The following SLC29A3 variants were observed in gnomAD, a reference collection of about 807,000 sequenced individuals.
The protein encoded by SLC29A3 is solute carrier family 29 member 3, also known as equilibrative nucleoside transporter 3.
A neutral mutation model predicts 25.4 loss-of-function variants in SLC29A3; 18 were observed. That is an observed-to-expected ratio of 0.71 (90% CI 0.49 to 1.05). SLC29A3 has a LOEUF of 1.05. Among genes scored for constraint, SLC29A3 ranks in the 50% least tolerant of loss-of-function variants. SLC29A3 has a pLI of 0.00. For synonymous variants in SLC29A3, 258 were observed against 267.1 expected, an observed-to-expected ratio of 0.97 and a Z score of 0.33; for missense variants, 586 against 609.0, an observed-to-expected ratio of 0.96 and a Z score of 0.40.
At chr10:71,357,732 C>T (rs1341487650) in intron 5 of SLC29A3, among the ~76,000 whole-genome samples, 2 of 152,320 alleles carry the variant, frequency 1.3e-5, no homozygotes, top group East Asian at 1.9e-4. Flanking sequence ...TCCAGTTCCT[C>T]CTTTTGCTTT....
At position 71,331,324 on chromosome 10, in the gene SLC29A3, G is replaced by A. The variant is rs577535664; in HGVS notation, c.300+8270G>A. Among the ~76,000 whole-genome samples, 8 of 152,294 alleles carry A rather than the reference G, an allele frequency of 5.3e-5. 1 individual carries two copies. In the South Asian group the frequency reaches 1.5e-3, roughly 28 times the overall value. ...GATGGGGGGAGAGACAGAGGAGACA[G>A]CAAACTCAAGGAATTTTGCTTTAAA... On this transcript the variant is annotated intron_variant, in intron 2 of 5. Transcript: ENST00000373189.
intron 3 of SLC29A3, among the ~76,000 whole-genome samples, chr10:71,368,416 G>A (rs1394934887): frequency 6.6e-6 from 1 of 152,192 alleles, no homozygotes; most frequent in Non-Finnish European, 1.5e-5. Context: ...ATGGCAGGCT[G>A]TACCCTGTAC....
chr10:71,367,733 C>T (rs1847181224), downstream of SLC29A3, among the ~76,000 whole-genome samples: 5 of 152,196 alleles, frequency 3.3e-5, no homozygotes, highest in Admixed American at 3.3e-4. Context: ...GCCAGCTGAC[C>T]CATTGGCCCT....
At chr10:71,358,056 C>A (rs901540570) in intron 5 of SLC29A3, among the ~76,000 whole-genome samples, 1 of 152,134 alleles carries the variant, frequency 6.6e-6, no homozygotes, top group Admixed American at 6.6e-5. Flanking sequence ...CAGCTGTGAT[C>A]GTATTTTCTC....
intron 1 of SLC29A3, among the ~76,000 whole-genome samples, chr10:71,320,685 T>A (rs1845828640): frequency 6.6e-6 from 1 of 152,190 alleles, no homozygotes; most frequent in African/African-American, 2.4e-5. Flanking sequence ...GCTGGATGCA[T>A]TGCACTTGGG....
chr10:71,324,070 A>G (rs1354408304), intron 2 of SLC29A3, among the ~76,000 whole-genome samples: 2 of 152,194 alleles, frequency 1.3e-5, no homozygotes, highest in Admixed American at 6.5e-5. Flanking sequence ...TTAAAACAGT[A>G]AGGAAAGCTT....
intron 2 of SLC29A3, among the ~76,000 whole-genome samples, chr10:71,341,305 T>C (rs1451701273): frequency 2.6e-5 from 4 of 152,290 alleles, no homozygotes; most frequent in South Asian, 2.1e-4. Context: ...CAAGGTGAGT[T>C]ACCTGAGGGG....
chr10:71,320,637 G>A (rs1845827628), intron 1 of SLC29A3, among the ~76,000 whole-genome samples: 2 of 152,196 alleles, frequency 1.3e-5, no homozygotes, highest in Admixed American at 1.3e-4. Context: ...GCTGGGGAGG[G>A]GCTCTGCTAA....
At chr10:71,335,030 A>G (rs1009512755) in intron 2 of SLC29A3, among the ~76,000 whole-genome samples, 1 of 149,794 alleles carries the variant, frequency 6.7e-6, no homozygotes, top group African/African-American at 2.5e-5. Context: ...GAGCACATAC[A>G]AGCTGCTTGG....
intron 5 of SLC29A3, among the ~76,000 whole-genome samples, 166 bp from the exon 6 acceptor site, chr10:71,361,788 C>T (rs953259914): frequency 1.3e-5 from 2 of 152,168 alleles, no homozygotes; most frequent in Non-Finnish European, 2.9e-5. Context: ...CCCCTGGCCA[C>T]CCCGTGACAG....
chr10:71,329,273 C>G (rs1236720541), intron 2 of SLC29A3, among the ~76,000 whole-genome samples: 1 of 152,114 alleles, frequency 6.6e-6, no homozygotes, highest in African/African-American at 2.4e-5. Flanking sequence ...GCACGCTCAG[C>G]CCTGGCTGCA....
chr10:71,367,504 C>T (rs1452149465), downstream of SLC29A3, among the ~76,000 whole-genome samples: 1 of 152,166 alleles, frequency 6.6e-6, no homozygotes, highest in Admixed American at 6.5e-5. Context: ...ACACCCACTC[C>T]CCAGCCCACA....
At chr10:71,321,723 A>C (rs1845849646) in intron 1 of SLC29A3, among the ~76,000 whole-genome samples, 1 of 152,264 alleles carries the variant, frequency 6.6e-6, no homozygotes, top group South Asian at 2.1e-4. Flanking sequence ...AGGCACAGAA[A>C]TGTGGTAACT....
intron 5 of SLC29A3, among the ~76,000 whole-genome samples, chr10:71,361,106 A>G (rs949608443): frequency 5.9e-5 from 9 of 152,172 alleles, no homozygotes; most frequent in Non-Finnish European, 1.2e-4. Flanking sequence ...TGTGCATGGA[A>G]CAGTATGTAC....
chr10:71,369,993 A>G (rs190862637), intron 3 of SLC29A3, among the ~76,000 whole-genome samples: 51 of 152,274 alleles, frequency 3.3e-4, no homozygotes, highest in Non-Finnish European at 1.5e-4. Flanking sequence ...GGAGGGGGAG[A>G]AGCAGAGTCA....
intron 3 of SLC29A3, among the ~76,000 whole-genome samples, chr10:71,371,347 C>T (rs1847209787): frequency 6.6e-6 from 1 of 152,198 alleles, no homozygotes; most frequent in African/African-American, 2.4e-5. Context: ...GTTCTCATGG[C>T]TCTAGACTTC....
downstream of SLC29A3, among the ~76,000 whole-genome samples, chr10:71,368,159 G>A (rs1847184819): frequency 6.6e-6 from 1 of 152,146 alleles, no homozygotes; most frequent in Non-Finnish European, 1.5e-5. Flanking sequence ...GAGCCCAGGA[G>A]GTGGAGGTTA....
At chr10:71,346,178 G>A (rs1355427960) in intron 3 of SLC29A3, among the ~76,000 whole-genome samples, 1 of 152,232 alleles carries the variant, frequency 6.6e-6, no homozygotes, top group Non-Finnish European at 1.5e-5. Context: ...CCCACAGGCT[G>A]AAAGTACTCC....
chr10:71,345,209 A>G (rs1257219941), intron 3 of SLC29A3, among the ~76,000 whole-genome samples: 1 of 152,190 alleles, frequency 6.6e-6, no homozygotes, highest in Non-Finnish European at 1.5e-5. Context: ...GTTATCTGTT[A>G]CATAATATGA....
Sources: gnomAD v4.1 joint callset for allele counts (sites outside exome capture counted in the v4.1 genomes callset) on GRCh38, gnomAD v4.1.1 for gene constraint, MANE v1.5 for transcripts, NCBI Gene and HGNC (gene_info 2026-07-23, HGNC 2026-07-21) for gene names.